Variants in HPGD observed in about 807,000 individuals in gnomAD.
The protein encoded by HPGD is 15-hydroxyprostaglandin dehydrogenase [NAD(+)].
Under a neutral mutation model 30.0 loss-of-function variants are expected in HPGD, and 29 were observed. The ratio of observed to expected loss-of-function variants is 0.97; its 90% CI spans 0.72 to 1.32. The LOEUF is 1.32. HPGD is among the 40% of genes most tolerant of loss of function. The pLI is 0.00. For missense variants in HPGD, 340 were observed against 322.1 expected (o/e 1.06, Z -0.43); for synonymous variants, 99 against 112.4 (o/e 0.88, Z 0.75).
rs764465489 is a variant in HPGD at position 174,521,940 on chromosome 4, T to C, written c.217+4A>G. ...CAGTTGACAGATTGATTCCCCTGTC[T>C]TACCTCTCAGTTGTTGCTGGTCAGC... On this transcript the variant is annotated splice_donor_region_variant and intron_variant, in intron 2 of 6. Coordinates refer to ENST00000296522, the MANE Select transcript of HPGD (RefSeq NM_000860.6). The C allele has an allele frequency of 1.9e-6, 3 of 1,614,108 alleles. No individual in the cohort carries two copies. The highest frequency in any genetic ancestry group is 3.3e-5 in the Admixed American group (2 of 60,034).
intron 3 of HPGD, among the ~76,000 whole-genome samples, chr4:174,516,326 G>C (rs961342482): frequency 2.6e-5 from 4 of 152,112 alleles, no homozygotes; most frequent in African/African-American, 9.7e-5. Context: ...AGGAAATCAT[G>C]TTGGTTGCAG....
At chr4:174,517,266 T>C (rs1232886652) in intron 3 of HPGD, among the ~76,000 whole-genome samples, 1 of 152,300 alleles carries the variant, frequency 6.6e-6, no homozygotes, top group South Asian at 2.1e-4. Flanking sequence ...TAAGTCATTA[T>C]CAAACATTAT....
intron 4 of HPGD, among the ~76,000 whole-genome samples, chr4:174,502,548 G>C (rs983644308): frequency 2.6e-5 from 4 of 151,980 alleles, no homozygotes; most frequent in East Asian, 1.9e-4. Flanking sequence ...CGTGGTGGCG[G>C]GCGCCTGTAG....
chr4:174,510,346 A>C (rs1173903807), intron 3 of HPGD, among the ~76,000 whole-genome samples: 1 of 152,210 alleles, frequency 6.6e-6, no homozygotes, highest in African/African-American at 2.4e-5. Flanking sequence ...CAAAACATTA[A>C]TTGTTTATAT....
chr4:174,498,383 G>C (rs183162558), intron 4 of HPGD, among the ~76,000 whole-genome samples: 1 of 151,914 alleles, frequency 6.6e-6, no homozygotes, highest in African/African-American at 2.4e-5. Context: ...CGTATTGAAA[G>C]TATACAGTTT....
intron 3 of HPGD, among the ~76,000 whole-genome samples, chr4:174,514,635 T>C (rs574323722): frequency 6.6e-6 from 1 of 152,244 alleles, no homozygotes; most frequent in South Asian, 2.1e-4. Context: ...TCACCACTCA[T>C]ATTCAACATA....
intron 3 of HPGD, among the ~76,000 whole-genome samples, chr4:174,511,418 G>A (rs1735484402): frequency 6.6e-6 from 1 of 152,094 alleles, no homozygotes; most frequent in African/African-American, 2.4e-5. Context: ...GGCATAAATG[G>A]GTTAAGGAAT....
chr4:174,498,274 C>A (rs1210016650), intron 4 of HPGD, among the ~76,000 whole-genome samples: 1 of 152,072 alleles, frequency 6.6e-6, no homozygotes, highest in African/African-American at 2.4e-5. Context: ...AGATGAAAAC[C>A]TACACAAATC....
rs549929149 is a variant in HPGD, at chr4:174,493,097, C to T, written c.662+54G>A. The T allele has an allele frequency of 4.9e-6, 7 of 1,422,780 alleles. No homozygotes were observed. In the South Asian group the frequency reaches 6.2e-5, roughly 13 times the overall value. 88.1% of individuals were successfully genotyped at this position (1,422,780 alleles called of 1,614,324 possible). On this transcript the variant is annotated intron_variant, in intron 6 of 6. Coordinates refer to ENST00000296522, the MANE Select transcript of HPGD (RefSeq NM_000860.6). ...TATTTCTTCCCTTTTTATAGCTTATCTAAATAATGCTTTGCTTCATCATTT... is the reference window on the plus strand; with the variant it reads ...TATTTCTTCCCTTTTTATAGCTTATTTAAATAATGCTTTGCTTCATCATTT...
Position 174,490,576 on chromosome 4 carries a change from G to C in HPGD, c.*1380C>G, listed in dbSNP as rs908372473. The C allele has an allele frequency of 6.6e-6, 1 of 152,290 alleles. No homozygotes were observed. The highest frequency in any genetic ancestry group is 2.4e-5 in the African/African-American group (1 of 41,432). 9.4% of individuals were successfully genotyped at this position (152,290 alleles called of 1,614,324 possible). ...AGTTTATCTCTATCAGATGTTCATTGATGTTCACTACTTTGTCTTTAATAC... is the reference window on the plus strand; with the variant it reads ...AGTTTATCTCTATCAGATGTTCATTCATGTTCACTACTTTGTCTTTAATAC... On this transcript the variant is annotated 3_prime_UTR_variant, in exon 7 of 7. Transcript: ENST00000296522. The surrounding 1 kb of genome is among the most constrained non-coding windows in gnomAD (Gnocchi z 4.4).
intron 4 of HPGD, among the ~76,000 whole-genome samples, chr4:174,502,187 T>C (rs1648708065): frequency 6.6e-6 from 1 of 152,100 alleles, no homozygotes; most frequent in South Asian, 2.1e-4. Flanking sequence ...AACCACCACT[T>C]CTCCAACTTG....
At chr4:174,522,244 G>T in intron 1 of HPGD, 115 bp downstream of exon 1, 1 of 1,376,156 alleles carries the variant, frequency 7.3e-7, no homozygotes, top group Non-Finnish European at 1.0e-6. Flanking sequence ...TTTGGAAGTG[G>T]CAAAGTGGGC....
intron 2 of HPGD, among the ~76,000 whole-genome samples, chr4:174,521,302 G>GA (rs1305072095): frequency 1.3e-5 from 2 of 152,034 alleles, no homozygotes; most frequent in African/African-American, 4.8e-5. Flanking sequence ...TTCACAAGTA[G>GA]ATTGGTCTAT....
At chr4:174,502,798 A>G (rs756859805) in intron 4 of HPGD, among the ~76,000 whole-genome samples, 5 of 152,144 alleles carry the variant, frequency 3.3e-5, no homozygotes, top group Non-Finnish European at 7.3e-5. Flanking sequence ...AGTTGCTACT[A>G]GTGTTCAGTC....
chr4:174,494,265 C>G lies in HPGD; in HGVS notation c.499-951G>C, dbSNP rs1365948503. On this transcript the variant is annotated intron_variant, in intron 5 of 6. Coordinates refer to ENST00000296522, the MANE Select transcript of HPGD (RefSeq NM_000860.6). The surrounding 1 kb of genome is among the most constrained non-coding windows in gnomAD (Gnocchi z 4.9). ...ATAAGGTTCTTTAAACAGGAATACA[C>G]ATAAAATAAGGTTATGTATTGACTG... 6.6e-6 allele frequency among the ~76,000 whole-genome samples: 1 copy of G among 152,104 alleles called. No individual in the cohort carries two copies. The highest frequency in any genetic ancestry group is 1.5e-5 in the Non-Finnish European group (1 of 68,018).
chr4:174,502,344 TG>T (rs1734943999), intron 4 of HPGD, among the ~76,000 whole-genome samples: 1 of 152,114 alleles, frequency 6.6e-6, no homozygotes, highest in African/African-American at 2.4e-5. Context: ...TTCTTATGGG[TG>T]CCATTAAGTT....
chr4:174,514,555 C>T (rs1735670062), intron 3 of HPGD, among the ~76,000 whole-genome samples: 1 of 152,000 alleles, frequency 6.6e-6, no homozygotes, highest in East Asian at 1.9e-4. Context: ...ATAAAGCAAA[C>T]ATCTTACTGA....
intron 4 of HPGD, among the ~76,000 whole-genome samples, chr4:174,498,321 AT>A (rs70947445): frequency 8.7e-5 from 13 of 149,634 alleles, no homozygotes; most frequent in South Asian, 2.1e-4. Context: ...TCCTTTTTTC[AT>A]TTTTTTTTTA....
chr4:174,493,151 TCC>T lies in HPGD; in HGVS notation c.660_661del (p.Asp221ProfsTer13). 12 of 1,581,288 alleles carry T rather than the reference TCC, an allele frequency of 7.6e-6. No homozygotes were observed. Among genetic ancestry groups the T allele is most frequent in the Non-Finnish European group, 9.5e-6 (11 of 1,154,408 alleles). On this transcript the variant is annotated frameshift_variant and splice_region_variant, in exon 6 of 7. Coordinates refer to ENST00000296522, the MANE Select transcript of HPGD (RefSeq NM_000860.6). LOFTEE classifies it high-confidence loss of function. ...AGAAAATAGACATAGTTTTACTTAC[TCC>T]AAAATTCCATAGTATTTAATCATAT... is the stretch of plus-strand genomic sequence containing the variant.
Sources: allele counts gnomAD v4.1 joint callset (sites outside exome capture counted in the v4.1 genomes callset), GRCh38; gene constraint gnomAD v4.1.1; non-coding constraint Gnocchi (gnomAD v3.1); transcripts MANE v1.5; gene names NCBI Gene and HGNC (gene_info 2026-07-23, HGNC 2026-07-21).